Variants in TMTC4 observed in about 807,000 individuals in gnomAD.
TMTC4 encodes the protein transmembrane O-mannosyltransferase targeting cadherins 4, also known as protein O-mannosyl-transferase TMTC4.
Under a neutral mutation model 86.0 loss-of-function variants are expected in TMTC4, and 65 were observed. That is an observed-to-expected ratio of 0.76 (90% CI 0.62 to 0.93). The LOEUF (loss-of-function observed/expected upper bound fraction) is 0.93. TMTC4 is among the 40% of genes least tolerant of loss of function. The probability of loss-of-function intolerance (pLI) is 0.00; values close to 1 mark genes in which losing one functional copy is unlikely to be tolerated. For missense variants in TMTC4, 866 were observed against 948.1 expected, an observed-to-expected ratio of 0.91 and a Z score of 1.14; for synonymous variants, 379 against 382.5, an observed-to-expected ratio of 0.99 and a Z score of 0.11.
intron 15 of TMTC4, chr13:100,624,564 A>C (rs929390860): frequency 1.3e-5 from 1 of 76,244 alleles, no homozygotes; most frequent in Non-Finnish European, 2.8e-5. Flanking sequence ...GTCTCCAAAA[A>C]CAAAACAAAA....
chr13:100,642,197 G>A lies in TMTC4; in HGVS notation c.741+14C>T. On this transcript the variant is annotated intron_variant, in intron 7 of 18. Transcript: ENST00000342624. Reference sequence around the variant, plus strand: ...CACAGAAAAAGCAGGCCCCAGCCATGTTGCGGCTCTCACCAGCACAGTGAT... The same window carrying A: ...CACAGAAAAAGCAGGCCCCAGCCATATTGCGGCTCTCACCAGCACAGTGAT... 1 of 1,613,644 alleles carries A rather than the reference G, an allele frequency of 6.2e-7. No individual in the cohort carries two copies. The highest frequency in any genetic ancestry group is 8.5e-7 in the Non-Finnish European group (1 of 1,179,634).
At chr13:100,674,474 A>T in intron 1 of TMTC4, 3 of 910,560 alleles carry the variant, frequency 3.3e-6, no homozygotes, top group Non-Finnish European at 3.9e-6. Flanking sequence ...GGAGAAGCTC[A>T]GGGGCCCGAG....
intron 13 of TMTC4, 79 bp from the exon 14 acceptor site, chr13:100,625,971 G>T (rs1488997127): frequency 1.3e-6 from 2 of 1,594,738 alleles, no homozygotes; most frequent in Non-Finnish European, 1.7e-6. Flanking sequence ...AATCGGTAAA[G>T]ATATTGTAAA....
At chr13:100,629,004 C>T (rs1012673541) in intron 12 of TMTC4, among the ~76,000 whole-genome samples, 30 of 152,008 alleles carry the variant, frequency 2.0e-4, no homozygotes, top group Non-Finnish European at 2.9e-5. Flanking sequence ...CAAAAATTAG[C>T]TGGGTGTGGT....
In TMTC4 at chr13:100,662,830, T is replaced by C. The variant is rs1011206334; in HGVS notation, c.552+134A>G. 2.1e-5 allele frequency: 18 copies of C among 844,756 alleles called. No homozygotes were observed. In the African/African-American group the frequency reaches 2.7e-4, roughly 13 times the overall value. 52.3% of individuals were successfully genotyped at this position (844,756 alleles called of 1,614,324 possible). A position where few individuals can be genotyped will look rare whatever the true frequency, so the allele number is the denominator to read the frequency against. ...TGTCCTTTCTATTTCTAGAGTATGT[T>C]GTGGAGTAGACTTTCTCCAGCTCTG... On this transcript the variant is annotated intron_variant, in intron 5 of 18. Transcript: ENST00000342624.
At chr13:100,638,110 A>G (rs565421570) in intron 7 of TMTC4, 88 bp from the exon 8 acceptor site, 389 of 997,930 alleles carry the variant, frequency 3.9e-4, no homozygotes, top group Non-Finnish European at 5.1e-4. Context: ...TACTCAATCT[A>G]GACAAGGAAC....
At chr13:100,671,417 G>C (rs971362155) in intron 1 of TMTC4, among the ~76,000 whole-genome samples, 3 of 152,100 alleles carry the variant, frequency 2.0e-5, no homozygotes, top group Non-Finnish European at 4.4e-5. Context: ...ATTAGCGACT[G>C]TACCTCAGAT....
chr13:100,657,368 G>A (rs754336183), intron 5 of TMTC4, among the ~76,000 whole-genome samples: 4 of 152,214 alleles, frequency 2.6e-5, no homozygotes, highest in Non-Finnish European at 5.9e-5. Context: ...CTTCAAGAGT[G>A]ATTAACAACT....
intron 6 of TMTC4, among the ~76,000 whole-genome samples, chr13:100,643,638 A>G (rs980419112): frequency 6.6e-6 from 1 of 152,226 alleles, no homozygotes; most frequent in Non-Finnish European, 1.5e-5. Flanking sequence ...CTTACTTTTC[A>G]TTACATAACC....
chr13:100,606,445 TAAAA>T lies in TMTC4; in HGVS notation c.2065-22_2065-19del, dbSNP rs1355453165. On this transcript the variant is annotated intron_variant, in intron 17 of 18. Coordinates refer to ENST00000342624, the MANE Select transcript of TMTC4 (RefSeq NM_032813.5). ...TCAGATTCCTAAAAAATGAGAAACA[TAAAA>T]AGGAAGATATTTATTGTACATGAAG... The T allele has an allele frequency of 6.2e-7, 1 of 1,600,152 alleles. No homozygotes were observed. Among genetic ancestry groups the T allele is most frequent in the Non-Finnish European group, 8.5e-7 (1 of 1,170,286 alleles).
At chr13:100,630,003 G>GTTATTT (rs1425929826) in intron 12 of TMTC4, among the ~76,000 whole-genome samples, 1 of 149,942 alleles carries the variant, frequency 6.7e-6, no homozygotes, top group Non-Finnish European at 1.5e-5. Context: ...ATTAACTGTG[G>GTTATTT]TCTAAGCCAC....
intron 15 of TMTC4, among the ~76,000 whole-genome samples, chr13:100,616,128 A>G (rs940116286): frequency 6.6e-6 from 1 of 151,928 alleles, no homozygotes; most frequent in African/African-American, 2.4e-5. Context: ...TCTTTTTCCA[A>G]TCTACAGCGG....
Position 100,636,696 on chromosome 13 carries a change from C to T in TMTC4, c.1038G>A (p.Trp346Ter), listed in dbSNP as rs1029767569. The T allele has an allele frequency of 5.6e-6, 9 of 1,614,028 alleles. No homozygotes were observed. The African/African-American group carries it at 1.1e-4, about 19-fold the overall frequency. Residue 346 changes from tryptophan (W) to a stop codon, truncating the protein, a stop_gained, in exon 10 of 19, where the codon TGG (tryptophan) becomes TGA (stop). Coordinates refer to ENST00000342624, the MANE Select transcript of TMTC4 (RefSeq NM_032813.5). LOFTEE classifies it high-confidence loss of function. ...NYNYYYSLNA[W>*]LLLCPWWLCF... Reference sequence around the variant, plus strand: ...ACAGCCACCAGGGACACAGCAGCAGCCAGGCATTCAATGAATAGTAGTAAT... The same window carrying T: ...ACAGCCACCAGGGACACAGCAGCAGTCAGGCATTCAATGAATAGTAGTAAT...
At chr13:100,671,115 A>T (rs1887041801) in intron 1 of TMTC4, among the ~76,000 whole-genome samples, 5 of 152,234 alleles carry the variant, frequency 3.3e-5, no homozygotes, top group Admixed American at 3.3e-4. Flanking sequence ...AGGTCATGTA[A>T]CCGGTTTTGA....
At position 100,625,909 on chromosome 13, in the gene TMTC4, A is replaced by T; in HGVS notation, c.1587-17T>A. 6.2e-7 allele frequency: 1 copy of T among 1,609,516 alleles called. No homozygotes were observed. The highest frequency in any genetic ancestry group is 8.5e-7 in the Non-Finnish European group (1 of 1,178,260). On this transcript the variant is annotated splice_polypyrimidine_tract_variant and intron_variant, in intron 13 of 18. Coordinates refer to ENST00000342624, the MANE Select transcript of TMTC4 (RefSeq NM_032813.5). ...GGATTTAATCTGAAAGTTGAGAAAAAACCAAGCTGACCATTAAATGCTCAA... is the reference window on the plus strand; with the variant it reads ...GGATTTAATCTGAAAGTTGAGAAAATACCAAGCTGACCATTAAATGCTCAA...
chr13:100,661,918 T>C (rs754807156), intron 5 of TMTC4, among the ~76,000 whole-genome samples: 4 of 152,178 alleles, frequency 2.6e-5, no homozygotes, highest in Non-Finnish European at 5.9e-5. Context: ...AGGCACTTCG[T>C]GCTCACAGAA....
intron 16 of TMTC4, 39 bp from the exon 17 acceptor site, chr13:100,612,549 G>A (rs1877776164): frequency 6.8e-7 from 1 of 1,472,594 alleles, no homozygotes; most frequent in South Asian, 1.2e-5. Flanking sequence ...ACATGTTAAT[G>A]TTGTACTCGC....
At position 100,674,791 on chromosome 13, in the gene TMTC4, ACT is replaced by A. The variant is rs1227180103; in HGVS notation, c.-257_-256del. 3.1e-6 allele frequency: 3 copies of A among 982,878 alleles called. No homozygotes were observed. Among genetic ancestry groups the A allele is most frequent in the African/African-American group, 3.5e-5 (2 of 56,770 alleles). 60.9% of individuals were successfully genotyped at this position (982,878 alleles called of 1,614,324 possible). A position where few individuals can be genotyped will look rare whatever the true frequency, so the allele number is the denominator to read the frequency against. ...CCGCATCTCCCTCCCGGGTGCGGAA[ACT>A]CTGGCGGCTCCAGGCACCCGCCCGG... On this transcript the variant is annotated 5_prime_UTR_variant, in exon 1 of 19. Coordinates refer to ENST00000342624, the MANE Select transcript of TMTC4 (RefSeq NM_032813.5).
chr13:100,636,219 C>T (rs1882184575), intron 10 of TMTC4, among the ~76,000 whole-genome samples: 1 of 152,180 alleles, frequency 6.6e-6, no homozygotes, highest in Non-Finnish European at 1.5e-5. Context: ...ACATCAATTA[C>T]ACTCTCTGTT....
Sources: gnomAD v4.1 joint callset for allele counts (sites outside exome capture counted in the v4.1 genomes callset) on GRCh38, gnomAD v4.1.1 for gene constraint, MANE v1.5 for transcripts, NCBI Gene and HGNC (gene_info 2026-07-23, HGNC 2026-07-21) for gene names.